Variants in RAB3C observed in about 807,000 individuals in gnomAD.
RAB3C encodes RAB3C, member RAS oncogene family.
In RAB3C, 17 loss-of-function variants were observed where a neutral mutation model predicts 26.4. The observed-to-expected ratio is 0.64, with a 90% CI of 0.44 to 0.97. RAB3C has a LOEUF of 0.97. RAB3C is among the 50% of genes least tolerant of loss of function. The pLI is 0.00. For missense variants in RAB3C, 242 were observed against 281.9 expected, an observed-to-expected ratio of 0.86 and a Z score of 1.01; for synonymous variants, 91 against 95.9, an observed-to-expected ratio of 0.95 and a Z score of 0.30.
intron 3 of RAB3C, among the ~76,000 whole-genome samples, chr5:58,768,284 C>G (rs920566994): frequency 2.0e-5 from 3 of 152,126 alleles, no homozygotes. Flanking sequence ...TCCCCCATAG[C>G]AATCACAATG....
chr5:58,699,584 G>A (rs1748796828), intron 2 of RAB3C, among the ~76,000 whole-genome samples: 1 of 152,172 alleles, frequency 6.6e-6, no homozygotes, highest in Non-Finnish European at 1.5e-5. Context: ...GTGTTGTCTG[G>A]AGGCAGTAGG....
At chr5:58,651,782 A>G (rs932969136) in intron 2 of RAB3C, among the ~76,000 whole-genome samples, 1 of 152,184 alleles carries the variant, frequency 6.6e-6, no homozygotes, top group African/African-American at 2.4e-5. Context: ...GACTGGTTCC[A>G]GGACCACCCC....
intron 3 of RAB3C, among the ~76,000 whole-genome samples, chr5:58,774,079 C>G (rs1742078390): frequency 6.6e-6 from 1 of 152,168 alleles, no homozygotes; most frequent in Non-Finnish European, 1.5e-5. Flanking sequence ...GCTCTGACAT[C>G]ACTGAGAAAA....
chr5:58,752,064 A>T (rs202130211), intron 3 of RAB3C, among the ~76,000 whole-genome samples: 6,420 of 100,168 alleles, frequency 0.064, 144 homozygotes, highest in East Asian at 0.15. Flanking sequence ...ACAGAGATGC[A>T]AAAAAAAATT....
chr5:58,816,845 G>A (rs1194542257), intron 3 of RAB3C, among the ~76,000 whole-genome samples: 2 of 152,182 alleles, frequency 1.3e-5, no homozygotes, highest in East Asian at 3.8e-4. Flanking sequence ...AGCTAGAAAG[G>A]TAAGCCAAGG....
At chr5:58,680,593 A>G (rs145391563) in intron 2 of RAB3C, among the ~76,000 whole-genome samples, 20 of 152,324 alleles carry the variant, frequency 1.3e-4, no homozygotes, top group Middle Eastern at 3.4e-3. Context: ...GTCCCACTGG[A>G]CCAAAGTCAG....
intron 4 of RAB3C, among the ~76,000 whole-genome samples, chr5:58,849,924 A>T (rs1314819530): frequency 5.9e-5 from 9 of 152,244 alleles, no homozygotes; most frequent in Non-Finnish European, 1.3e-4. Context: ...GGATGAAATC[A>T]CATGATTTCA....
chr5:58,710,143 G>A (rs77384491), intron 2 of RAB3C, among the ~76,000 whole-genome samples: 1 of 152,172 alleles, frequency 6.6e-6, no homozygotes, highest in Non-Finnish European at 1.5e-5. Context: ...AATTGCTTTT[G>A]ATGTTTAGAT....
At position 58,807,825 on chromosome 5, in the gene RAB3C, T is replaced by TA. The variant is rs34591695; in HGVS notation, c.372-17202dup. Among the ~76,000 whole-genome samples the TA allele has an allele frequency of 6.8e-3, 1,002 of 147,290 alleles. 2 individuals carry two copies. The highest frequency in any genetic ancestry group is 0.012 in the African/African-American group (508 of 40,650). ...GCACAGTGGGTACTCTCCAGTAGAA[T>TA]AAAAAAAAAAATTTAAGAAGAAATA... On this transcript the variant is annotated intron_variant, in intron 3 of 4. Transcript: ENST00000282878.
intron 2 of RAB3C, among the ~76,000 whole-genome samples, chr5:58,634,225 C>T (rs1747243557): frequency 6.6e-6 from 1 of 151,964 alleles, no homozygotes; most frequent in Non-Finnish European, 1.5e-5. Flanking sequence ...TTCTTCTTTC[C>T]CATTATTTCA....
At chr5:58,611,351 T>G (rs1370130922) in intron 1 of RAB3C, among the ~76,000 whole-genome samples, 1 of 152,156 alleles carries the variant, frequency 6.6e-6, no homozygotes, top group Non-Finnish European at 1.5e-5. Flanking sequence ...CTACCGACAG[T>G]ATATAAGCAT....
intron 2 of RAB3C, among the ~76,000 whole-genome samples, chr5:58,639,866 A>G (rs892029840): frequency 6.6e-6 from 1 of 152,280 alleles, no homozygotes; most frequent in Non-Finnish European, 1.5e-5. Context: ...ATGATATAAA[A>G]TCATGTTTTT....
intron 3 of RAB3C, among the ~76,000 whole-genome samples, chr5:58,789,423 A>G (rs1742469760): frequency 6.6e-6 from 1 of 152,178 alleles, no homozygotes; most frequent in South Asian, 2.1e-4. Context: ...TGAACTGTGT[A>G]CCTTATTTCA....
At chr5:58,739,295 T>C (rs1274105895) in intron 3 of RAB3C, among the ~76,000 whole-genome samples, 1 of 152,206 alleles carries the variant, frequency 6.6e-6, no homozygotes, top group African/African-American at 2.4e-5. Context: ...TGTGAATGAG[T>C]AGAAAGGCCA....
At chr5:58,638,716 G>A (rs1259847223) in intron 2 of RAB3C, among the ~76,000 whole-genome samples, 2 of 152,170 alleles carry the variant, frequency 1.3e-5, no homozygotes, top group African/African-American at 2.4e-5. Context: ...ATGTCACCTC[G>A]GGCACTGAAC....
chr5:58,692,608 A>G (rs1748593789), intron 2 of RAB3C, among the ~76,000 whole-genome samples: 1 of 152,120 alleles, frequency 6.6e-6, no homozygotes, highest in Non-Finnish European at 1.5e-5. Flanking sequence ...TCATTCAAAT[A>G]GAAGTAAGCA....
chr5:58,774,720 C>G (rs958460035), intron 3 of RAB3C, among the ~76,000 whole-genome samples: 1 of 152,090 alleles, frequency 6.6e-6, no homozygotes, highest in East Asian at 1.9e-4. Flanking sequence ...AGGTGACATT[C>G]AAGCCATGAT....
intron 3 of RAB3C, among the ~76,000 whole-genome samples, chr5:58,740,588 G>C (rs545600674): frequency 6.6e-6 from 1 of 152,204 alleles, no homozygotes; most frequent in South Asian, 2.1e-4. Context: ...TTGGGAGGCT[G>C]AGGTGGGTGG....
chr5:58,790,034 C>T (rs1209100664), intron 3 of RAB3C, among the ~76,000 whole-genome samples: 1 of 152,146 alleles, frequency 6.6e-6, no homozygotes, highest in Non-Finnish European at 1.5e-5. Flanking sequence ...TAATATGTAG[C>T]CAAATAAGTA....
Sources: gnomAD v4.1 joint callset for allele counts (sites outside exome capture counted in the v4.1 genomes callset) on GRCh38, gnomAD v4.1.1 for gene constraint, MANE v1.5 for transcripts, NCBI Gene and HGNC (gene_info 2026-07-23, HGNC 2026-07-21) for gene names.